The following PIK3R2 variants were observed in gnomAD, a reference collection of about 807,000 sequenced individuals.
The protein encoded by PIK3R2 is phosphoinositide-3-kinase regulatory subunit 2, also known as phosphatidylinositol 3-kinase regulatory subunit beta.
In PIK3R2, 40 loss-of-function variants were observed where a neutral mutation model predicts 78.5. The observed-to-expected ratio is 0.51, with a 90% CI of 0.40 to 0.66. PIK3R2 has a LOEUF of 0.66. Among genes scored for constraint, PIK3R2 ranks in the 30% least tolerant of loss-of-function variants. The pLI is 0.00. For synonymous variants in PIK3R2, 473 were observed against 457.7 expected, an observed-to-expected ratio of 1.03 and a Z score of -0.43; for missense variants, 880 against 1,026.6, an observed-to-expected ratio of 0.86 and a Z score of 1.95.
rs2147957877 is a variant in PIK3R2, at chr19:18,167,270, T to C, written c.1700T>C (p.Leu567Pro). The change falls in exon 13 of 16, where the codon CTC becomes CCC. Residue 567 changes from leucine to proline, a missense_variant. Coordinates refer to ENST00000222254, the MANE Select transcript of PIK3R2 (RefSeq NM_005027.4). This position sits in a 1 kb window ranked among gnomAD's most constrained non-coding sequence, Gnocchi z 4.5. Reference protein sequence around the residue: ...DKRMNSLKPDLMQLRKIRDQY... With the variant: ...DKRMNSLKPDPMQLRKIRDQY... ...CGCATGAACAGCCTCAAGCCGGACC[T>C]CATGCAGCTGCGCAAGATCCGAGAC... The C allele has an allele frequency of 6.2e-7, 1 of 1,607,880 alleles. No individual in the cohort carries two copies. Among genetic ancestry groups the C allele is most frequent in the Non-Finnish European group, 8.5e-7 (1 of 1,177,236 alleles).
At chr19:18,165,526 C>T (rs2043801250) in intron 11 of PIK3R2, among the ~76,000 whole-genome samples, 1 of 152,100 alleles carries the variant, frequency 6.6e-6, no homozygotes, top group Non-Finnish European at 1.5e-5. Context: ...GAGCAAGACT[C>T]CATCTCAAAC....
Position 18,161,370 on chromosome 19 carries a change from C to T in PIK3R2, c.690C>T (p.Gly230=), listed in dbSNP as rs1443332656. The change falls in exon 6 of 16, where the codon GGC becomes GGT. Residue 230 remains glycine, a synonymous_variant. Coordinates refer to ENST00000222254, the MANE Select transcript of PIK3R2 (RefSeq NM_005027.4). This position sits in a 1 kb window ranked among gnomAD's most constrained non-coding sequence, Gnocchi z 5.3. ...LTLRFLLQHL[G]RVASRAPALG... is the part of the protein sequence containing the mutation. Reference sequence around the variant, plus strand: ...TGCGCTTCCTGCTCCAGCACCTGGGCCGCGTGGCCAGCCGCGCCCCGGCCC... The same window carrying T: ...TGCGCTTCCTGCTCCAGCACCTGGGTCGCGTGGCCAGCCGCGCCCCGGCCC... 7.9e-7 allele frequency: 1 copy of T among 1,265,350 alleles called. No individual in the cohort carries two copies. Among genetic ancestry groups the T allele is most frequent in the Non-Finnish European group, 9.9e-7 (1 of 1,007,200 alleles). The allele number at this position is 1,265,350 out of a possible 1,614,324, so 78.4% of individuals were successfully genotyped here.
intron 1 of PIK3R2, among the ~76,000 whole-genome samples, chr19:18,153,985 G>T (rs542421186): frequency 1.3e-5 from 2 of 152,200 alleles, no homozygotes; most frequent in East Asian, 3.9e-4. Flanking sequence ...ACCTCTTGGG[G>T]TTCCCCGTGA....
In PIK3R2 at chr19:18,163,063, C is replaced by T. The variant is rs1353162231; in HGVS notation, c.1206C>T (p.Ile402=). The change falls in exon 10 of 16, where the codon ATC becomes ATT. Residue 402 remains isoleucine (I), a synonymous_variant. Transcript: ENST00000222254. The part of the protein sequence containing the change: ...PLTFCSVVDL[I]NHYRHESLAQ... Reference sequence around the variant, plus strand: ...CCTTCTGCTCCGTTGTGGACCTCATCAATCACTACCGCCACGAGTCTCTGG... The same window carrying T: ...CCTTCTGCTCCGTTGTGGACCTCATTAATCACTACCGCCACGAGTCTCTGG... 2 of 1,613,898 alleles carry T rather than the reference C, an allele frequency of 1.2e-6. No homozygotes were observed. The highest frequency in any genetic ancestry group is 2.7e-5 in the African/African-American group (2 of 74,932).
At chr19:18,166,006 G>A (rs1482185579) in intron 11 of PIK3R2, 154 bp from the exon 12 acceptor site, 1 of 932,078 alleles carries the variant, frequency 1.1e-6, no homozygotes, top group Non-Finnish European at 1.8e-6. Flanking sequence ...GGCTGAATAG[G>A]AGTTCATTTG....
In PIK3R2 at chr19:18,161,349, C is replaced by A; in HGVS notation, c.669C>A (p.Arg223=). Reference sequence around the variant, plus strand: ...CGCTGCACCGCGCGCTCACGCTGCGCTTCCTGCTCCAGCACCTGGGCCGCG... The same window carrying A: ...CGCTGCACCGCGCGCTCACGCTGCGATTCCTGCTCCAGCACCTGGGCCGCG... ...TLPLHRALTL[R]FLLQHLGRVA... Residue 223 remains arginine, a synonymous_variant, in exon 6 of 16, where the codon CGC becomes CGA. Coordinates refer to ENST00000222254, the MANE Select transcript of PIK3R2 (RefSeq NM_005027.4). This position sits in a 1 kb window ranked among gnomAD's most constrained non-coding sequence, Gnocchi z 5.3. 1.5e-6 allele frequency: 2 copies of A among 1,322,390 alleles called. No individual in the cohort carries two copies. Among genetic ancestry groups the A allele is most frequent in the South Asian group, 4.0e-5 (2 of 49,714 alleles). The allele number at this position is 1,322,390 out of a possible 1,614,324, so 81.9% of individuals were successfully genotyped here.
rs2043783023 is a variant in PIK3R2, at chr19:18,164,153, A to T, written c.1416+765A>T. ...AAAAATAATAATAATTAAAATAAAA[A>T]AATAAGTGTACAAGCTTTTACAAAA... is the stretch of plus-strand genomic sequence containing the variant. On this transcript the variant is annotated intron_variant, in intron 11 of 15. Transcript: ENST00000222254. 2.0e-5 allele frequency among the ~76,000 whole-genome samples: 3 copies of T among 152,242 alleles called. No individual in the cohort carries two copies. The South Asian group carries it at 6.2e-4, about 32-fold the overall frequency.
Position 18,164,640 on chromosome 19 carries a change from G to GTTT in PIK3R2, c.1416+1263_1416+1265dup, listed in dbSNP as rs10629628. ...TTTTCTGTCCTCTTTTTTTTGTTTT[G>GTTT]TTTTTTTTTTTTTGAGACAGTGTCT... On this transcript the variant is annotated intron_variant, in intron 11 of 15. Coordinates refer to ENST00000222254, the MANE Select transcript of PIK3R2 (RefSeq NM_005027.4). Among the ~76,000 whole-genome samples the GTTT allele has an allele frequency of 9.5e-4, 132 of 138,536 alleles. 2 individuals carry two copies. Among genetic ancestry groups the GTTT allele is most frequent in the East Asian group, 1.7e-3 (8 of 4,732 alleles). The allele number at this position is 138,536 out of a possible 152,430, so 90.9% of individuals were successfully genotyped here. A position where few individuals can be genotyped will look rare whatever the true frequency, so the allele number is the denominator to read the frequency against.
chr19:18,160,686 T>C, intron 3 of PIK3R2, 123 bp downstream of exon 3: 2 of 921,548 alleles, frequency 2.2e-6, no homozygotes, highest in Non-Finnish European at 3.4e-6. Flanking sequence ...CTGGATGCCC[T>C]GGGCCTCTAT....
Position 18,168,849 on chromosome 19 carries a change from C to G in PIK3R2, c.1932C>G (p.Phe644Leu). The change falls in exon 15 of 16, where the codon TTC (phenylalanine) becomes TTG (leucine). Residue 644 changes from phenylalanine to leucine, a missense_variant. Phe to Leu is a conservative substitution (Grantham distance 22). Around this residue, in one of 3 missense-constraint regions of PIK3R2, gnomAD observed 268 missense variants for 299.1 expected, o/e 0.90. Coordinates refer to ENST00000222254, the MANE Select transcript of PIK3R2 (RefSeq NM_005027.4). This position sits in a 1 kb window ranked among gnomAD's most constrained non-coding sequence, Gnocchi z 4.1. ...EMLSGKRDGT[F>L]LIRESSQRGC... ...TGAGTGGCAAGCGGGATGGCACCTT[C>G]CTCATCCGCGAGAGCAGCCAGCGGG... The G allele has an allele frequency of 6.2e-7, 1 of 1,613,754 alleles. No homozygotes were observed. Among genetic ancestry groups the G allele is most frequent in the South Asian group, 1.1e-5 (1 of 91,044 alleles).
In PIK3R2 at chr19:18,155,466, C is replaced by A. The variant is rs2043667044; in HGVS notation, c.-414C>A. On this transcript the variant is annotated 5_prime_UTR_variant, in exon 2 of 16. Coordinates refer to ENST00000222254, the MANE Select transcript of PIK3R2 (RefSeq NM_005027.4). ...ATCCCTGTCTCCCTAGGTCGGCGTC[C>A]TCAGCTGGCCGAGCATGGTGGCAGC... The A allele has an allele frequency of 2.4e-6, 1 of 410,070 alleles. No individual in the cohort carries two copies. The highest frequency in any genetic ancestry group is 4.3e-6 in the Non-Finnish European group (1 of 233,260). 25.4% of individuals were successfully genotyped at this position (410,070 alleles called of 1,614,324 possible).
At chr19:18,163,563 G>T (rs2043775616) in intron 11 of PIK3R2, among the ~76,000 whole-genome samples, 175 bp downstream of exon 11, 1 of 152,150 alleles carries the variant, frequency 6.6e-6, no homozygotes, top group African/African-American at 2.4e-5. Flanking sequence ...CAGGCACAGT[G>T]GCTCCCGTCT....
In PIK3R2 at chr19:18,161,192, C is replaced by T; in HGVS notation, c.598+7C>T. The T allele has an allele frequency of 6.5e-7, 1 of 1,543,724 alleles. No individual in the cohort carries two copies. Among genetic ancestry groups the T allele is most frequent in the Non-Finnish European group, 8.7e-7 (1 of 1,144,484 alleles). On this transcript the variant is annotated splice_region_variant and intron_variant, in intron 5 of 15. Coordinates refer to ENST00000222254, the MANE Select transcript of PIK3R2 (RefSeq NM_005027.4). The surrounding 1 kb of genome is among the most constrained non-coding windows in gnomAD (Gnocchi z 5.3). ...GCGCGCCGGGCCCTGCGGGGTGAGCCTGGCGGGTAGCCCGGGGGAAGGAGG... is the reference window on the plus strand; with the variant it reads ...GCGCGCCGGGCCCTGCGGGGTGAGCTTGGCGGGTAGCCCGGGGGAAGGAGG...
chr19:18,159,755 T>C (rs1301482441), intron 2 of PIK3R2, among the ~76,000 whole-genome samples: 1 of 151,968 alleles, frequency 6.6e-6, no homozygotes, highest in Non-Finnish European at 1.5e-5. Flanking sequence ...TGTTGACTTA[T>C]TTTTGAAACG....
In PIK3R2 at chr19:18,164,638, T is replaced by A. The variant is rs989151289; in HGVS notation, c.1416+1250T>A. Among the ~76,000 whole-genome samples the A allele has an allele frequency of 3.1e-5, 4 of 127,322 alleles. No homozygotes were observed. The East Asian group carries it at 8.3e-4, about 26-fold the overall frequency. The allele number at this position is 127,322 out of a possible 152,430, so 83.5% of individuals were successfully genotyped here. On this transcript the variant is annotated intron_variant, in intron 11 of 15. Coordinates refer to ENST00000222254, the MANE Select transcript of PIK3R2 (RefSeq NM_005027.4). The stretch of plus-strand genomic sequence containing the variant: ...GGTTTTCTGTCCTCTTTTTTTTGTT[T>A]TGTTTTTTTTTTTTTGAGACAGTGT...
In PIK3R2 at chr19:18,168,202, G is replaced by A. The variant is rs2043827817; in HGVS notation, c.1737-273G>A. 6.6e-6 allele frequency among the ~76,000 whole-genome samples: 1 copy of A among 152,166 alleles called. No homozygotes were observed. On this transcript the variant is annotated intron_variant, in intron 13 of 15. Transcript: ENST00000222254. The surrounding 1 kb of genome is among the most constrained non-coding windows in gnomAD (Gnocchi z 4.1). ...GGAGTGAGCCTCTGGTGATGATGAG[G>A]GGCCTGGGCTGGCATCTTCTTGGGG...
At chr19:18,166,626 G>T (rs769593938) in intron 12 of PIK3R2, among the ~76,000 whole-genome samples, 14 of 149,364 alleles carry the variant, frequency 9.4e-5, no homozygotes, top group East Asian at 2.0e-4. Context: ...CAGGAGAATC[G>T]CTTGAACCTG....
In PIK3R2 at chr19:18,162,303, A is replaced by G. The variant is rs142808734; in HGVS notation, c.1003A>G (p.Ile335Val). ...LQDAEWYWGD[I>V]SREEVNEKLR... ...GGATGCTGAGTGGTACTGGGGGGAC[A>G]TTTCAAGGTAGGTTGCTGGCAGGGG... The change falls in exon 8 of 16, where the codon ATT (isoleucine) becomes GTT (valine). Residue 335 changes from isoleucine to valine, a missense_variant. Coordinates refer to ENST00000222254, the MANE Select transcript of PIK3R2 (RefSeq NM_005027.4). 28 of 1,605,784 alleles carry G rather than the reference A, an allele frequency of 1.7e-5. No individual in the cohort carries two copies. In the African/African-American group the frequency reaches 3.3e-4, roughly 19 times the overall value.
At position 18,161,400 on chromosome 19, in the gene PIK3R2, T is replaced by TCCCGCGGTCCGGGCCCTGGGC. The variant is rs1203095878; in HGVS notation, c.721_741dup (p.Pro241_Gly247dup). The TCCCGCGGTCCGGGCCCTGGGC allele has an allele frequency of 1.9e-5, 23 of 1,220,434 alleles. No homozygotes were observed. The highest frequency in any genetic ancestry group is 2.2e-5 in the Non-Finnish European group (22 of 981,858). The allele number at this position is 1,220,434 out of a possible 1,614,324, so 75.6% of individuals were successfully genotyped here. On this transcript the variant is annotated inframe_insertion, in exon 6 of 16. Transcript: ENST00000222254. This position sits in a 1 kb window ranked among gnomAD's most constrained non-coding sequence, Gnocchi z 5.3. ...TGGCCAGCCGCGCCCCGGCCCTGGG[T>TCCCGCGGTCCGGGCCCTGGGC]CCCGCGGTCCGGGCCCTGGGCGCCA...
Sources: allele counts gnomAD v4.1 joint callset (sites outside exome capture counted in the v4.1 genomes callset), GRCh38; gene constraint gnomAD v4.1.1; regional missense constraint gnomAD v4.1.1; non-coding constraint Gnocchi (gnomAD v3.1); transcripts MANE v1.5; gene names NCBI Gene and HGNC (gene_info 2026-07-23, HGNC 2026-07-21).